The following CFAP299 variants were observed in gnomAD, a reference collection of about 807,000 sequenced individuals.
CFAP299 encodes the protein cilia- and flagella-associated protein 299.
CFAP299 carries 21 observed loss-of-function variants against 27.0 expected under a neutral mutation model. The observed-to-expected ratio is 0.78, with a 90% CI of 0.55 to 1.12. The LOEUF (loss-of-function observed/expected upper bound fraction) is 1.12, where lower values mean the gene tolerates loss of function less well. Among genes scored for constraint, CFAP299 ranks in the 50% most tolerant of loss-of-function variants. CFAP299 has a pLI of 0.00. For missense variants in CFAP299, 310 were observed against 276.6 expected, an observed-to-expected ratio of 1.12 and a Z score of -0.86; for synonymous variants, 104 against 98.1, an observed-to-expected ratio of 1.06 and a Z score of -0.36.
intron 2 of CFAP299, among the ~76,000 whole-genome samples, chr4:80,456,015 G>C (rs189604664): frequency 6.6e-6 from 1 of 152,156 alleles, no homozygotes; most frequent in Non-Finnish European, 1.5e-5. Context: ...AGCAGGAAAA[G>C]GAGATAAGGT....
intron 4 of CFAP299, among the ~76,000 whole-genome samples, chr4:80,927,086 T>A (rs577010144): frequency 1.5e-4 from 23 of 152,174 alleles, no homozygotes; most frequent in African/African-American, 5.5e-4. Context: ...ATTTTCCATA[T>A]CATGTACAGA....
At chr4:80,413,351 G>C (rs191176792) in intron 2 of CFAP299, among the ~76,000 whole-genome samples, 8 of 152,342 alleles carry the variant, frequency 5.3e-5, no homozygotes, top group Non-Finnish European at 2.9e-5. Flanking sequence ...AAGATAACAA[G>C]ACTGTATGTG....
intron 2 of CFAP299, among the ~76,000 whole-genome samples, chr4:80,539,501 T>G (rs1357568368): frequency 2.0e-5 from 3 of 152,174 alleles, no homozygotes; most frequent in African/African-American, 7.2e-5. Context: ...CAATGGGCTC[T>G]GGGCTGTAGG....
At chr4:80,536,840 A>G (rs1365832487) in intron 2 of CFAP299, among the ~76,000 whole-genome samples, 2 of 152,122 alleles carry the variant, frequency 1.3e-5, no homozygotes, top group East Asian at 1.9e-4. Flanking sequence ...AAACCCAGGC[A>G]GCAACAGCAA....
chr4:80,662,094 C>T (rs1357329779), intron 3 of CFAP299, among the ~76,000 whole-genome samples: 7 of 152,114 alleles, frequency 4.6e-5, no homozygotes, highest in Admixed American at 3.3e-4. Context: ...ATTTTAATTT[C>T]GCCCTGGTCC....
intron 4 of CFAP299, among the ~76,000 whole-genome samples, chr4:80,890,888 G>A (rs567968075): frequency 0.014 from 1,774 of 129,914 alleles, 95 homozygotes; most frequent in Admixed American, 0.11. Context: ...CATGTCCTTC[G>A]CCCACTTTTT....
chr4:80,601,417 C>G (rs1737343933), intron 3 of CFAP299, among the ~76,000 whole-genome samples: 1 of 152,078 alleles, frequency 6.6e-6, no homozygotes, highest in Non-Finnish European at 1.5e-5. Flanking sequence ...TAAATAAATG[C>G]TGTTAGAGTT....
intron 3 of CFAP299, among the ~76,000 whole-genome samples, chr4:80,631,552 AT>A (rs1229946778): frequency 1.3e-5 from 2 of 152,070 alleles, no homozygotes; most frequent in Non-Finnish European, 2.9e-5. Flanking sequence ...ATAGATTATA[AT>A]TTTAACAGCT....
intron 4 of CFAP299, among the ~76,000 whole-genome samples, chr4:80,883,961 C>G (rs1733845922): frequency 6.6e-6 from 1 of 152,136 alleles, no homozygotes; most frequent in South Asian, 2.1e-4. Context: ...TATTTCATCA[C>G]CCAGGTATTA....
At chr4:80,645,005 C>G (rs138440177) in intron 3 of CFAP299, among the ~76,000 whole-genome samples, 2 of 152,034 alleles carry the variant, frequency 1.3e-5, no homozygotes, top group African/African-American at 2.4e-5. Flanking sequence ...ACCAGCCCCC[C>G]CTCAGAAATC....
intron 3 of CFAP299, among the ~76,000 whole-genome samples, chr4:80,809,928 T>C (rs1481908787): frequency 1.3e-5 from 2 of 152,110 alleles, no homozygotes; most frequent in Non-Finnish European, 2.9e-5. Flanking sequence ...AAATAAGTGG[T>C]TTCACAACTC....
chr4:80,478,994 G>A (rs1178715036), intron 2 of CFAP299, among the ~76,000 whole-genome samples: 1 of 151,866 alleles, frequency 6.6e-6, no homozygotes, highest in Non-Finnish European at 1.5e-5. Flanking sequence ...AATTCAAGAT[G>A]ATTATAGTTA....
intron 2 of CFAP299, among the ~76,000 whole-genome samples, chr4:80,544,829 T>C (rs1734154085): frequency 6.6e-6 from 1 of 152,140 alleles, no homozygotes; most frequent in African/African-American, 2.4e-5. Flanking sequence ...AACAAAGATA[T>C]TCTGGACTTA....
intron 2 of CFAP299, among the ~76,000 whole-genome samples, chr4:80,537,984 A>G (rs1402140659): frequency 6.6e-6 from 1 of 152,204 alleles, no homozygotes; most frequent in Non-Finnish European, 1.5e-5. Flanking sequence ...GAAATCTGTC[A>G]TATGAAGACT....
chr4:80,362,292 T>A (rs1294280703), intron 1 of CFAP299, among the ~76,000 whole-genome samples: 1 of 151,894 alleles, frequency 6.6e-6, no homozygotes, highest in African/African-American at 2.4e-5. Context: ...TTAATTGACT[T>A]CAAGGAAGTA....
intron 2 of CFAP299, among the ~76,000 whole-genome samples, chr4:80,533,006 G>GT (rs1335626631): frequency 6.6e-6 from 1 of 151,950 alleles, no homozygotes; most frequent in African/African-American, 2.4e-5. Context: ...ATAATTTATT[G>GT]TTTTTTTGTG....
chr4:80,954,222 C>G (rs1737930523), intron 5 of CFAP299, among the ~76,000 whole-genome samples: 1 of 152,120 alleles, frequency 6.6e-6, no homozygotes, highest in South Asian at 2.1e-4. Context: ...ATTGCAGGTG[C>G]AAGACCACAG....
intron 2 of CFAP299, among the ~76,000 whole-genome samples, chr4:80,454,782 T>C (rs922785698): frequency 5.3e-5 from 8 of 152,210 alleles, no homozygotes; most frequent in Non-Finnish European, 1.2e-4. Context: ...GCCAGCTGTA[T>C]AGGAGACCAG....
intron 5 of CFAP299, among the ~76,000 whole-genome samples, chr4:80,946,259 G>A (rs902476937): frequency 2.0e-5 from 3 of 152,176 alleles, no homozygotes; most frequent in Non-Finnish European, 4.4e-5. Flanking sequence ...TCTTCCACAT[G>A]TAAGTGTAGA....
Sources: allele counts gnomAD v4.1 joint callset (sites outside exome capture counted in the v4.1 genomes callset), GRCh38; gene constraint gnomAD v4.1.1; transcripts MANE v1.5; gene names NCBI Gene and HGNC (gene_info 2026-07-23, HGNC 2026-07-21).